CAST: variants seen among roughly 807,000 people sequenced by gnomAD.
The protein encoded by CAST is MIR583 host.
In CAST, 76 loss-of-function variants were observed where a neutral mutation model predicts 119.6. The observed-to-expected ratio is 0.64, with a 90% CI of 0.53 to 0.77. The LOEUF (loss-of-function observed/expected upper bound fraction) is 0.77. Among genes scored for constraint, CAST ranks in the 30% least tolerant of loss-of-function variants. CAST has a pLI of 0.00. For missense variants in CAST, 953 were observed against 946.5 expected, an observed-to-expected ratio of 1.01 and a Z score of -0.09; for synonymous variants, 319 against 331.6, an observed-to-expected ratio of 0.96 and a Z score of 0.41.
At chr5:95,992,619 A>G in the CAST span, among the ~76,000 whole-genome samples, 2 of 152,212 alleles carry the variant, frequency 1.3e-5, no homozygotes, top group East Asian at 1.9e-4. Context: ...ATTCTAGATT[A>G]GATCTTGGAA....
chr5:96,631,023 T>A lies in CAST; in HGVS notation c.61-44516T>A, dbSNP rs1433360549. 2 of 140,958 alleles carry A rather than the reference T, an allele frequency of 1.4e-5. 1 individual carries two copies. The highest frequency in any genetic ancestry group is 3.2e-5 in the Non-Finnish European group (2 of 62,636). 8.7% of individuals were successfully genotyped at this position (140,958 alleles called of 1,614,324 possible). On this transcript the variant is annotated intron_variant, in intron 1 of 11. Coordinates refer to the CAST transcript ENST00000505143. ...CTGTGCTTTTGGACATTTGATATCC[T>A]TCAGCTAGAATATATTTCTTCATTG... is the stretch of plus-strand genomic sequence containing the variant.
At chr5:96,199,190 A>G in the CAST span, among the ~76,000 whole-genome samples, 31 of 152,282 alleles carry the variant, frequency 2.0e-4, no homozygotes, top group African/African-American at 6.5e-4. Context: ...TTTAAGTATG[A>G]TTTCTCTCTC....
At chr5:96,647,110 T>A (rs1038059340) in intron 1 of CAST, among the ~76,000 whole-genome samples, 1 of 152,222 alleles carries the variant, frequency 6.6e-6, no homozygotes, top group Non-Finnish European at 1.5e-5. Context: ...TTAGGGGCAC[T>A]GGCTTGTTGG....
chr5:96,515,031 G>A, the CAST span, among the ~76,000 whole-genome samples: 2 of 152,142 alleles, frequency 1.3e-5, no homozygotes, highest in African/African-American at 4.8e-5. Flanking sequence ...AATTATAGGT[G>A]TAAACCACTG....
intron 1 of CAST, among the ~76,000 whole-genome samples, chr5:96,561,300 A>G (rs1349104445): frequency 6.6e-6 from 1 of 152,008 alleles, no homozygotes; most frequent in Non-Finnish European, 1.5e-5. Flanking sequence ...GCACATGTAT[A>G]CATATGTAAC....
upstream of CAST, among the ~76,000 whole-genome samples, chr5:96,521,094 C>T (rs760051428): frequency 3.9e-5 from 6 of 152,136 alleles, no homozygotes; most frequent in Non-Finnish European, 7.3e-5. Context: ...TAGACCACTA[C>T]CCCAGCATGT....
At chr5:96,500,859 A>G in the CAST span, among the ~76,000 whole-genome samples, 17 of 152,240 alleles carry the variant, frequency 1.1e-4, no homozygotes, top group African/African-American at 3.1e-4. Flanking sequence ...ATGGAAATAG[A>G]TGATGGAAAA....
At chr5:96,000,991 T>C in the CAST span, among the ~76,000 whole-genome samples, 5 of 152,158 alleles carry the variant, frequency 3.3e-5, no homozygotes, top group African/African-American at 1.2e-4. Context: ...TCTGGGTTAG[T>C]GGATGAACAT....
At chr5:96,296,820 C>T in the CAST span, among the ~76,000 whole-genome samples, 5 of 152,144 alleles carry the variant, frequency 3.3e-5, no homozygotes, top group Non-Finnish European at 7.3e-5. Flanking sequence ...CTATCTGTTC[C>T]TCAGTTTTAA....
At chr5:95,981,831 C>A in the CAST span, among the ~76,000 whole-genome samples, 1 of 152,056 alleles carries the variant, frequency 6.6e-6, no homozygotes, top group Non-Finnish European at 1.5e-5. Flanking sequence ...GCCGACATCG[C>A]ACCACTGCAC....
At chr5:96,160,739 G>A in the CAST span, among the ~76,000 whole-genome samples, 5 of 152,242 alleles carry the variant, frequency 3.3e-5, no homozygotes, top group African/African-American at 1.2e-4. Context: ...AGTGTGTGAA[G>A]GTTCTAATTT....
Position 96,767,491 on chromosome 5 carries a change from C to T in CAST, c.2175+9C>T. 1 of 1,608,536 alleles carries T rather than the reference C, an allele frequency of 6.2e-7. No individual in the cohort carries two copies. The highest frequency in any genetic ancestry group is 1.7e-5 in the Admixed American group (1 of 59,834). Reference sequence around the variant, plus strand: ...AATCAGAGGATTCAAAGGTAAAGACCATAGGAACATATTTCCATTAAATTT... The same window carrying T: ...AATCAGAGGATTCAAAGGTAAAGACTATAGGAACATATTTCCATTAAATTT... On this transcript the variant is annotated intron_variant, in intron 28 of 31. Coordinates refer to ENST00000675179, the MANE Select transcript of CAST (RefSeq NM_001750.7).
the CAST span, among the ~76,000 whole-genome samples, chr5:96,439,560 C>A: frequency 6.6e-6 from 1 of 152,106 alleles, no homozygotes; most frequent in Non-Finnish European, 1.5e-5. Flanking sequence ...CCCCAGCTTC[C>A]CTCATCACTC....
Position 96,642,089 on chromosome 5 carries a change from A to C in CAST, c.61-33450A>C, listed in dbSNP as rs186310149. 5.9e-4 allele frequency among the ~76,000 whole-genome samples: 90 copies of C among 152,304 alleles called. 1 individual carries two copies. The highest frequency in any genetic ancestry group is 3.1e-4 in the Non-Finnish European group (21 of 68,026). On this transcript the variant is annotated intron_variant, in intron 1 of 11. Transcript: ENST00000505143. Reference sequence around the variant, plus strand: ...TTTATCTTACTCTCATTATCTCCCCATGCACTGAAACTTCTATAAGCTCTC... The same window carrying C: ...TTTATCTTACTCTCATTATCTCCCCCTGCACTGAAACTTCTATAAGCTCTC...
chr5:96,010,232 T>G, the CAST span, among the ~76,000 whole-genome samples: 1 of 152,248 alleles, frequency 6.6e-6, no homozygotes, highest in East Asian at 1.9e-4. Flanking sequence ...TAGTGTGATC[T>G]CTCTGGCTTT....
At chr5:96,551,611 GAC>G (rs562313812) in intron 1 of CAST, among the ~76,000 whole-genome samples, 5 of 152,026 alleles carry the variant, frequency 3.3e-5, no homozygotes, top group Non-Finnish European at 5.9e-5. Context: ...CCAATTAAGA[GAC>G]AAAGACTGGC....
chr5:96,417,504 T>G, the CAST span, among the ~76,000 whole-genome samples: 6 of 151,974 alleles, frequency 3.9e-5, no homozygotes, highest in African/African-American at 1.5e-4. Context: ...GAAACCCCAC[T>G]CTTTCTTGAG....
chr5:96,754,645 T>G lies in CAST; in HGVS notation c.1627-13T>G. Reference sequence around the variant, plus strand: ...AAACATGCTAACAATGAAAATGGTATAATTTTTCTCAGGAGAAGGCCAAAG... The same window carrying G: ...AAACATGCTAACAATGAAAATGGTAGAATTTTTCTCAGGAGAAGGCCAAAG... On this transcript the variant is annotated splice_polypyrimidine_tract_variant and intron_variant, in intron 21 of 31. Coordinates refer to ENST00000675179, the MANE Select transcript of CAST (RefSeq NM_001750.7). 6.6e-7 allele frequency: 1 copy of G among 1,521,484 alleles called. No individual in the cohort carries two copies. The highest frequency in any genetic ancestry group is 9.0e-7 in the Non-Finnish European group (1 of 1,107,214). 94.2% of individuals were successfully genotyped at this position (1,521,484 alleles called of 1,614,324 possible).
At chr5:96,094,281 G>A in the CAST span, among the ~76,000 whole-genome samples, 1 of 152,166 alleles carries the variant, frequency 6.6e-6, no homozygotes, top group South Asian at 2.1e-4. Flanking sequence ...AATTTCCAAA[G>A]ATTTGGCATT....
Sources: allele counts gnomAD v4.1 joint callset (sites outside exome capture counted in the v4.1 genomes callset), GRCh38; gene constraint gnomAD v4.1.1; transcripts MANE v1.5; gene names NCBI Gene and HGNC (gene_info 2026-07-23, HGNC 2026-07-21).